The following HLF variants were observed in gnomAD, a reference collection of about 807,000 sequenced individuals.
HLF encodes the protein HLF transcription factor, PAR bZIP family member.
A neutral mutation model predicts 22.6 loss-of-function variants in HLF; 3 were observed. The ratio of observed to expected loss-of-function variants is 0.13; its 90% confidence interval spans 0.06 to 0.34. The LOEUF (loss-of-function observed/expected upper bound fraction) is 0.34. Among genes scored for constraint, HLF ranks in the 10% least tolerant of loss-of-function variants. HLF has a pLI of 1.00. For missense variants in HLF, 299 were observed against 389.2 expected, an observed-to-expected ratio of 0.77 and a Z score of 1.95; for synonymous variants, 151 against 151.8, an observed-to-expected ratio of 0.99 and a Z score of 0.04.
intron 2 of HLF, among the ~76,000 whole-genome samples, chr17:55,310,444 A>G (rs1172838500): frequency 6.6e-6 from 1 of 152,238 alleles, no homozygotes; most frequent in Non-Finnish European, 1.5e-5. Context: ...ATTATTAGTA[A>G]AACAAGGTTG....
In HLF at chr17:55,314,916, A is replaced by G. The variant is rs993482366; in HGVS notation, c.452-311A>G. 8.5e-5 allele frequency among the ~76,000 whole-genome samples: 13 copies of G among 152,338 alleles called. 1 individual carries two copies. The highest frequency in any genetic ancestry group is 6.8e-3 in the Middle Eastern group (2 of 294). On this transcript the variant is annotated intron_variant, in intron 2 of 3. Transcript: ENST00000226067. ...AAAATTACGTAGTTCTGTTCATTGC[A>G]TCTTGCAGAGTGCCTGGCACATCGC...
intron 1 of HLF, 119 bp downstream of exon 1, chr17:55,265,718 C>G: frequency 9.0e-7 from 1 of 1,108,976 alleles, no homozygotes; most frequent in South Asian, 1.8e-5. Context: ...CCGCGGCGCC[C>G]CGGCCCCGCG....
intron 2 of HLF, among the ~76,000 whole-genome samples, chr17:55,295,306 T>TAC (rs1194475235): frequency 1.3e-5 from 2 of 152,182 alleles, no homozygotes; most frequent in South Asian, 2.1e-4. Flanking sequence ...TCTTGGCTGA[T>TAC]ACTAAGAATG....
intron 2 of HLF, among the ~76,000 whole-genome samples, chr17:55,299,495 C>G (rs1016836873): frequency 1.3e-5 from 2 of 152,068 alleles, no homozygotes; most frequent in Non-Finnish European, 2.9e-5. Context: ...CAATAGACAG[C>G]AAAAGGAAGC....
At position 55,323,956 on chromosome 17, in the gene HLF, T is replaced by A. The variant is rs991232942; in HGVS notation, c.*3077T>A. 1 of 228,940 alleles carries A rather than the reference T, an allele frequency of 4.4e-6. No individual in the cohort carries two copies. Among genetic ancestry groups the A allele is most frequent in the Non-Finnish European group, 8.7e-6 (1 of 115,412 alleles). 14.2% of individuals were successfully genotyped at this position (228,940 alleles called of 1,614,324 possible). A position where few individuals can be genotyped will look rare whatever the true frequency, so the allele number is the denominator to read the frequency against. ...AGGACCTCCTGATGAGGTCACATTG[T>A]TGTTTCTTTTAACTAGACTTGGCAA... is the stretch of plus-strand genomic sequence containing the variant. On this transcript the variant is annotated 3_prime_UTR_variant, in exon 4 of 4. Transcript: ENST00000226067.
chr17:55,271,219 T>C (rs549760088), intron 2 of HLF, among the ~76,000 whole-genome samples: 1 of 152,328 alleles, frequency 6.6e-6, no homozygotes, highest in South Asian at 2.1e-4. Context: ...TTTAAGAAGG[T>C]CAGGGGACAT....
chr17:55,294,238 G>T (rs992273311), intron 2 of HLF, among the ~76,000 whole-genome samples: 12 of 152,198 alleles, frequency 7.9e-5, no homozygotes, highest in Middle Eastern at 3.2e-3. Flanking sequence ...ATGCTGATCT[G>T]CCCCAGTGCA....
intron 2 of HLF, among the ~76,000 whole-genome samples, chr17:55,305,604 C>G (rs975287573): frequency 2.0e-5 from 3 of 152,220 alleles, no homozygotes; most frequent in Admixed American, 6.5e-5. Context: ...CCAGCCTCCC[C>G]CTGGCTTTCT....
intron 2 of HLF, among the ~76,000 whole-genome samples, chr17:55,289,387 G>A (rs2081037912): frequency 6.6e-6 from 1 of 152,142 alleles, no homozygotes; most frequent in Non-Finnish European, 1.5e-5. Flanking sequence ...TGTACCCCAG[G>A]CCCTATGTGC....
chr17:55,276,712 C>T (rs1043424725), intron 2 of HLF, among the ~76,000 whole-genome samples: 11 of 152,166 alleles, frequency 7.2e-5, no homozygotes, highest in African/African-American at 2.7e-4. Context: ...TGGTGCCAGT[C>T]AGGCTGACAA....
Position 55,265,668 on chromosome 17 carries a change from C to T in HLF, c.115+69C>T, listed in dbSNP as rs934126055. Reference sequence around the variant, plus strand: ...GGGGGTCCCCCTCCGCGGCCGGGCACGCCCGCTGGAGCATCCCCCAACCCC... The same window carrying T: ...GGGGGTCCCCCTCCGCGGCCGGGCATGCCCGCTGGAGCATCCCCCAACCCC... On this transcript the variant is annotated intron_variant, in intron 1 of 3. Transcript: ENST00000226067. 218 of 1,238,312 alleles carry T rather than the reference C, an allele frequency of 1.8e-4. No individual in the cohort carries two copies. The African/African-American group carries it at 3.1e-3, about 17-fold the overall frequency. The allele number at this position is 1,238,312 out of a possible 1,614,324, so 76.7% of individuals were successfully genotyped here. A position where few individuals can be genotyped will look rare whatever the true frequency, so the allele number is the denominator to read the frequency against.
chr17:55,265,724 C>T, intron 1 of HLF, 125 bp downstream of exon 1: 1 of 1,132,162 alleles, frequency 8.8e-7, no homozygotes. Context: ...CGCCCCGGCC[C>T]CGCGCTGATG....
chr17:55,278,521 CT>C (rs2080926347), intron 2 of HLF, among the ~76,000 whole-genome samples: 1 of 117,888 alleles, frequency 8.5e-6, no homozygotes, highest in Non-Finnish European at 1.8e-5. Flanking sequence ...CAATAAATGC[CT>C]CTTGAATTGA....
chr17:55,303,942 A>AT (rs961105724), intron 2 of HLF, among the ~76,000 whole-genome samples: 19 of 150,094 alleles, frequency 1.3e-4, no homozygotes, highest in Admixed American at 2.7e-4. Flanking sequence ...CTTTTATTTA[A>AT]TTTTTTTTTT....
chr17:55,273,567 C>T (rs944767810), intron 2 of HLF: 4 of 152,180 alleles, frequency 2.6e-5, no homozygotes, highest in African/African-American at 7.2e-5. Flanking sequence ...ATGTTAACCC[C>T]GCAGCATGGC....
At chr17:55,271,355 A>G (rs974729642) in intron 2 of HLF, 10 of 152,282 alleles carry the variant, frequency 6.6e-5, no homozygotes, top group African/African-American at 2.4e-5. Context: ...GTTTTTGGCT[A>G]TTCACTCAGC....
rs1386247948 is a variant in HLF at position 55,324,660 on chromosome 17, A to G, written c.*3781A>G. 4.3e-6 allele frequency: 1 copy of G among 232,568 alleles called. No individual in the cohort carries two copies. Among genetic ancestry groups the G allele is most frequent in the Non-Finnish European group, 8.5e-6 (1 of 117,714 alleles). The allele number at this position is 232,568 out of a possible 1,614,324, so 14.4% of individuals were successfully genotyped here. On this transcript the variant is annotated 3_prime_UTR_variant, in exon 4 of 4. Transcript: ENST00000226067. Reference sequence around the variant, plus strand: ...TCACCTTCTGCTCCTAGGTACCCCCACTGGCAAGGCCAAGGTCTCCTCCAC... The same window carrying G: ...TCACCTTCTGCTCCTAGGTACCCCCGCTGGCAAGGCCAAGGTCTCCTCCAC...
chr17:55,318,290 TC>T (rs1433533195), intron 3 of HLF, among the ~76,000 whole-genome samples: 1 of 152,146 alleles, frequency 6.6e-6, no homozygotes, highest in Admixed American at 6.5e-5. Flanking sequence ...TCCAGGACAC[TC>T]CTTTCGTCAT....
At chr17:55,316,969 T>G (rs917152898) in intron 3 of HLF, among the ~76,000 whole-genome samples, 1 of 132,526 alleles carries the variant, frequency 7.5e-6, no homozygotes, top group Non-Finnish European at 1.6e-5. Flanking sequence ...TATGGTGTTT[T>G]TTTTTTTTTT....
Sources: allele counts gnomAD v4.1 joint callset (sites outside exome capture counted in the v4.1 genomes callset), GRCh38; gene constraint gnomAD v4.1.1; transcripts MANE v1.5; gene names NCBI Gene and HGNC (gene_info 2026-07-23, HGNC 2026-07-21).